POU6F2: variants seen among roughly 807,000 people sequenced by gnomAD.
POU6F2 encodes the protein POU class 6 homeobox 2, also known as POU domain, class 6, transcription factor 2.
Under a neutral mutation model 71.3 loss-of-function variants are expected in POU6F2, and 31 were observed. The ratio of observed to expected loss-of-function variants is 0.43; its 90% CI spans 0.33 to 0.59. The LOEUF is 0.59. Ranked by LOEUF, POU6F2 falls within the 20% of genes least tolerant of loss-of-function variation. The pLI is 0.04. For missense variants in POU6F2, 783 were observed against 856.8 expected, an observed-to-expected ratio of 0.91 and a Z score of 1.07; for synonymous variants, 347 against 355.7, an observed-to-expected ratio of 0.98 and a Z score of 0.27.
intron 2 of POU6F2, among the ~76,000 whole-genome samples, chr7:39,119,094 A>G (rs1326060683): frequency 6.6e-6 from 1 of 152,208 alleles, no homozygotes; most frequent in East Asian, 1.9e-4. Context: ...ACCAAGAAAG[A>G]AGGCCTGAGA....
intron 1 of POU6F2, among the ~76,000 whole-genome samples, chr7:39,071,477 AG>A (rs1042056431): frequency 8.6e-5 from 13 of 151,966 alleles, no homozygotes; most frequent in Non-Finnish European, 1.9e-4. Context: ...CTTGGCATAT[AG>A]TACTCACTCA....
chr7:39,053,581 A>G (rs759781346), intron 1 of POU6F2, among the ~76,000 whole-genome samples: 55 of 152,142 alleles, frequency 3.6e-4, no homozygotes, highest in Admixed American at 1.3e-3. Flanking sequence ...ATATGAAATG[A>G]ATATTTCATC....
chr7:39,452,254 A>T (rs887879023), intron 8 of POU6F2, among the ~76,000 whole-genome samples: 3 of 152,242 alleles, frequency 2.0e-5, no homozygotes, highest in African/African-American at 7.2e-5. Context: ...ACAACCATTC[A>T]TAAAATAGGA....
chr7:39,000,530 G>GACACAC (rs5883670), intron 1 of POU6F2, among the ~76,000 whole-genome samples: 25 of 141,146 alleles, frequency 1.8e-4, no homozygotes, highest in African/African-American at 6.3e-4. Flanking sequence ...CATACCCACA[G>GACACAC]ACACACACAC....
chr7:39,453,874 A>G (rs1026569294), intron 8 of POU6F2, among the ~76,000 whole-genome samples: 1 of 152,192 alleles, frequency 6.6e-6, no homozygotes, highest in African/African-American at 2.4e-5. Flanking sequence ...ATATGCAGAG[A>G]CTGAATGACA....
chr7:39,099,823 A>G (rs1791531433), intron 2 of POU6F2, among the ~76,000 whole-genome samples: 1 of 152,186 alleles, frequency 6.6e-6, no homozygotes, highest in East Asian at 1.9e-4. Flanking sequence ...GTATTTTTCC[A>G]AGGTCTGAGA....
intron 1 of POU6F2, among the ~76,000 whole-genome samples, chr7:38,988,242 A>G (rs1395574820): frequency 6.6e-6 from 1 of 152,110 alleles, no homozygotes; most frequent in Non-Finnish European, 1.5e-5. Flanking sequence ...CCTGCCTTTT[A>G]GAACCACCAG....
intron 4 of POU6F2, among the ~76,000 whole-genome samples, chr7:39,297,807 A>G (rs540107086): frequency 6.6e-6 from 1 of 152,198 alleles, no homozygotes; most frequent in Admixed American, 6.5e-5. Flanking sequence ...CAAAACAGAC[A>G]TACAGATCAA....
intron 4 of POU6F2, among the ~76,000 whole-genome samples, chr7:39,272,027 T>A (rs1199057092): frequency 6.6e-6 from 1 of 151,980 alleles, no homozygotes; most frequent in East Asian, 1.9e-4. Context: ...TAGATCAGAT[T>A]ACAGAAAAGC....
At chr7:39,233,732 C>G (rs975356741) in intron 4 of POU6F2, among the ~76,000 whole-genome samples, 1 of 152,146 alleles carries the variant, frequency 6.6e-6, no homozygotes, top group Non-Finnish European at 1.5e-5. Flanking sequence ...ATGCCACCCC[C>G]CAACACACAA....
chr7:39,425,415 C>T (rs998675067), intron 6 of POU6F2, among the ~76,000 whole-genome samples: 12 of 152,206 alleles, frequency 7.9e-5, no homozygotes, highest in Admixed American at 2.0e-4. Flanking sequence ...TGTCAATGAC[C>T]ATGTCAAAAC....
rs1030726475 is a variant in POU6F2, at chr7:39,169,210, C to G, written c.278-35025C>G. Reference sequence around the variant, plus strand: ...AGATCTGATTAGATCCAGCATCTAACTTTAACACCTTTATTTTAATGCCTG... The same window carrying G: ...AGATCTGATTAGATCCAGCATCTAAGTTTAACACCTTTATTTTAATGCCTG... On this transcript the variant is annotated intron_variant, in intron 2 of 9. Transcript: ENST00000518318. Among the ~76,000 whole-genome samples the G allele has an allele frequency of 3.9e-5, 6 of 152,216 alleles. No homozygotes were observed. In the East Asian group the frequency reaches 1.2e-3, roughly 29 times the overall value.
chr7:39,346,619 G>A (rs2115650835), intron 5 of POU6F2, among the ~76,000 whole-genome samples: 1 of 152,356 alleles, frequency 6.6e-6, no homozygotes, highest in East Asian at 1.9e-4. Flanking sequence ...GAATGCTTCT[G>A]AAACAGTTTT....
chr7:39,179,839 G>A (rs1053058755), intron 2 of POU6F2, among the ~76,000 whole-genome samples: 22 of 152,202 alleles, frequency 1.4e-4, no homozygotes, highest in African/African-American at 1.9e-4. Flanking sequence ...CTAGCTGCAC[G>A]TTATATCACT....
intron 4 of POU6F2, among the ~76,000 whole-genome samples, chr7:39,247,246 A>T (rs1251808492): frequency 6.6e-6 from 1 of 152,086 alleles, no homozygotes; most frequent in Non-Finnish European, 1.5e-5. Flanking sequence ...AGGCAAGTGG[A>T]CTGCTTGAGG....
chr7:39,331,368 CTGT>C (rs1785645287), intron 4 of POU6F2, among the ~76,000 whole-genome samples: 1 of 152,198 alleles, frequency 6.6e-6, no homozygotes, highest in African/African-American at 2.4e-5. Context: ...TCCACAAAGG[CTGT>C]CTTAGTTTGA....
chr7:39,421,588 G>A (rs1266716342), intron 6 of POU6F2, among the ~76,000 whole-genome samples: 3 of 152,148 alleles, frequency 2.0e-5, no homozygotes, highest in African/African-American at 7.2e-5. Context: ...AATTTGTACA[G>A]TATTTTCTTA....
At chr7:39,341,056 G>A (rs1368819913) in intron 5 of POU6F2, among the ~76,000 whole-genome samples, 2 of 152,202 alleles carry the variant, frequency 1.3e-5, no homozygotes, top group Non-Finnish European at 2.9e-5. Flanking sequence ...ACCTCAGTCA[G>A]TCCGGCTCTC....
chr7:39,289,668 C>T (rs1014652367), intron 4 of POU6F2, among the ~76,000 whole-genome samples: 1 of 152,178 alleles, frequency 6.6e-6, no homozygotes, highest in Non-Finnish European at 1.5e-5. Flanking sequence ...AAAATGTATA[C>T]AGTCAGTTTT....
Sources: allele counts gnomAD v4.1 joint callset (sites outside exome capture counted in the v4.1 genomes callset), GRCh38; gene constraint gnomAD v4.1.1; transcripts MANE v1.5; gene names NCBI Gene and HGNC (gene_info 2026-07-23, HGNC 2026-07-21).